Variants in NPHP1 observed in about 807,000 individuals in gnomAD.
NPHP1 encodes the protein nephrocystin 1.
In NPHP1, 70 loss-of-function variants were observed where a neutral mutation model predicts 90.4. The observed-to-expected ratio is 0.77, with a 90% CI of 0.64 to 0.95. The LOEUF (loss-of-function observed/expected upper bound fraction) is 0.95. Among genes scored for constraint, NPHP1 ranks in the 40% least tolerant of loss-of-function variants. The pLI is 0.00. For missense variants in NPHP1, 764 were observed against 795.9 expected (o/e 0.96, Z 0.48); for synonymous variants, 256 against 271.7 (o/e 0.94, Z 0.57).
At chr2:110,192,097 C>T (rs1040026920) in intron 2 of NPHP1, among the ~76,000 whole-genome samples, 4 of 152,082 alleles carry the variant, frequency 2.6e-5, no homozygotes, top group Non-Finnish European at 5.9e-5. Flanking sequence ...AAAATCAGAG[C>T]GCCTCTCCTC....
At chr2:110,194,332 C>T (rs1261000286) in intron 2 of NPHP1, among the ~76,000 whole-genome samples, 6 of 152,100 alleles carry the variant, frequency 3.9e-5, no homozygotes, top group Admixed American at 3.3e-4. Context: ...GATATCACCA[C>T]CGATCCCACA....
chr2:110,152,749 T>A (rs1681583367), intron 11 of NPHP1, among the ~76,000 whole-genome samples: 1 of 151,988 alleles, frequency 6.6e-6, no homozygotes, highest in East Asian at 1.9e-4. Context: ...TCTGACATCA[T>A]CTTAGATCAA....
At chr2:110,155,059 C>T (rs1681788801) in intron 11 of NPHP1, among the ~76,000 whole-genome samples, 1 of 152,140 alleles carries the variant, frequency 6.6e-6, no homozygotes, top group East Asian at 1.9e-4. Flanking sequence ...CCGAGGGTCC[C>T]CATGCTGTGT....
chr2:110,165,620 C>T (rs1040317253), intron 6 of NPHP1, among the ~76,000 whole-genome samples: 7 of 151,932 alleles, frequency 4.6e-5, no homozygotes, highest in Non-Finnish European at 1.0e-4. Context: ...AATAAATAAA[C>T]ATGACCTAAA....
intron 6 of NPHP1, among the ~76,000 whole-genome samples, chr2:110,167,941 G>A (rs1042187463): frequency 6.6e-6 from 1 of 152,176 alleles, no homozygotes; most frequent in Non-Finnish European, 1.5e-5. Flanking sequence ...ATATCTCAGT[G>A]TGGCTACTGA....
At chr2:110,126,975 A>G (rs1679413662) in intron 18 of NPHP1, 1 of 152,614 alleles carries the variant, frequency 6.6e-6, no homozygotes, top group African/African-American at 2.4e-5. Flanking sequence ...TGGGAATAGC[A>G]AACGTGTTAA....
intron 11 of NPHP1, among the ~76,000 whole-genome samples, chr2:110,156,606 C>T (rs1051171645): frequency 6.6e-6 from 1 of 152,198 alleles, no homozygotes; most frequent in East Asian, 1.9e-4. Context: ...CTTCTGAATG[C>T]TCTGCAGTGC....
At chr2:110,160,289 TTTATGATTTCTA>T (rs1252872039) in intron 10 of NPHP1, 34 bp from the exon 11 acceptor site, 1 of 1,533,568 alleles carries the variant, frequency 6.5e-7, no homozygotes, top group Non-Finnish European at 9.0e-7. Context: ...AAAGTTTATT[TTTATGATTTCTA>T]ACACAAATCT....
At chr2:110,186,696 G>A (rs565964585) in intron 2 of NPHP1, among the ~76,000 whole-genome samples, 5 of 152,228 alleles carry the variant, frequency 3.3e-5, no homozygotes, top group African/African-American at 1.2e-4. Context: ...GTGTGAAAGC[G>A]ATGTAGCACC....
At chr2:110,188,356 T>G (rs1684440778) in intron 2 of NPHP1, among the ~76,000 whole-genome samples, 1 of 152,114 alleles carries the variant, frequency 6.6e-6, no homozygotes, top group Admixed American at 6.6e-5. Flanking sequence ...TTGCTAGCAT[T>G]CCTATATACC....
chr2:110,173,653 C>A (rs1177816517), intron 4 of NPHP1, among the ~76,000 whole-genome samples: 1 of 152,162 alleles, frequency 6.6e-6, no homozygotes, highest in Non-Finnish European at 1.5e-5. Flanking sequence ...AGCCTAGGAG[C>A]AACATGCTAT....
chr2:110,185,149 G>A (rs751801179), intron 2 of NPHP1: 14 of 572,508 alleles, frequency 2.4e-5, no homozygotes, highest in Middle Eastern at 4.2e-4. Flanking sequence ...TGAGGAAGAC[G>A]GTGCCTGATC....
chr2:110,129,131 G>A, intron 18 of NPHP1, 55 bp downstream of exon 18: 1 of 1,308,748 alleles, frequency 7.6e-7, no homozygotes. Flanking sequence ...TTAACACAGA[G>A]TGTATAACTG....
intron 4 of NPHP1, among the ~76,000 whole-genome samples, chr2:110,172,952 TTTTCTTTTTC>T (rs1354911054): frequency 5.5e-5 from 8 of 145,126 alleles, no homozygotes; most frequent in African/African-American, 2.0e-4. Flanking sequence ...TTTCTTTTCT[TTTTCTTTTTC>T]TTTTTTTTTT....
intron 2 of NPHP1, among the ~76,000 whole-genome samples, chr2:110,197,537 G>A (rs1008715014): frequency 1.3e-5 from 2 of 152,072 alleles, no homozygotes; most frequent in South Asian, 2.1e-4. Flanking sequence ...CATAAAACAC[G>A]TATATTGGGA....
intron 13 of NPHP1, among the ~76,000 whole-genome samples, 165 bp from the exon 14 acceptor site, chr2:110,147,000 G>A (rs1681103824): frequency 6.6e-6 from 1 of 152,112 alleles, no homozygotes; most frequent in Non-Finnish European, 1.5e-5. Context: ...TTTGCCTGCG[G>A]GTCAGATATT....
chr2:110,202,914 A>G (rs1238760231), intron 1 of NPHP1, among the ~76,000 whole-genome samples: 1 of 152,026 alleles, frequency 6.6e-6, no homozygotes, highest in Non-Finnish European at 1.5e-5. Flanking sequence ...CAGAAATCCC[A>G]TTTCCGTGTA....
intron 1 of NPHP1, among the ~76,000 whole-genome samples, chr2:110,203,435 ACACAGAAC>A (rs1685707280): frequency 6.6e-6 from 1 of 152,140 alleles, no homozygotes; most frequent in Non-Finnish European, 1.5e-5. Context: ...TTAAAATAAG[ACACAGAAC>A]CATATTAAGA....
At chr2:110,151,423 T>C (rs960908818) in intron 11 of NPHP1, among the ~76,000 whole-genome samples, 4 of 152,254 alleles carry the variant, frequency 2.6e-5, no homozygotes, top group Admixed American at 6.5e-5. Context: ...AATTCTAAAA[T>C]GTTATGGCCA....
Sources: allele counts gnomAD v4.1 joint callset (sites outside exome capture counted in the v4.1 genomes callset), GRCh38; gene constraint gnomAD v4.1.1; transcripts MANE v1.5; gene names NCBI Gene and HGNC (gene_info 2026-07-23, HGNC 2026-07-21).